MAP9: variants seen among roughly 807,000 people sequenced by gnomAD.
MAP9 encodes the protein microtubule-associated protein 9.
Under a neutral mutation model 75.2 loss-of-function variants are expected in MAP9, and 80 were observed. The ratio of observed to expected loss-of-function variants is 1.06; its 90% CI spans 0.89 to 1.28. MAP9 has a LOEUF of 1.28. Ranked by LOEUF, MAP9 falls within the 50% of genes most tolerant of loss-of-function variation. The pLI is 0.00. For synonymous variants in MAP9, 235 were observed against 237.3 expected (o/e 0.99, Z 0.09); for missense variants, 753 against 719.9 (o/e 1.05, Z -0.53).
At chr4:155,361,572 G>T (rs1345611985) in intron 6 of MAP9, among the ~76,000 whole-genome samples, 1 of 151,910 alleles carries the variant, frequency 6.6e-6, no homozygotes, top group Non-Finnish European at 1.5e-5. Context: ...ACCCTATAAG[G>T]CAAATTACTC....
chr4:155,375,634 C>A, intron 2 of MAP9, 142 bp downstream of exon 2: 1 of 474,998 alleles, frequency 2.1e-6, no homozygotes, highest in Non-Finnish European at 3.7e-6. Context: ...CTGGATGGAG[C>A]CCAAACATGA....
intron 5 of MAP9, among the ~76,000 whole-genome samples, chr4:155,363,653 A>AT (rs532079537): frequency 2.7e-4 from 41 of 152,264 alleles, no homozygotes; most frequent in African/African-American, 8.9e-4. Context: ...GAAAACACAC[A>AT]TACTTTGCAA....
chr4:155,351,214 T>A (rs1731495534), intron 13 of MAP9: 1 of 151,886 alleles, frequency 6.6e-6, no homozygotes, highest in Admixed American at 6.6e-5. Context: ...GAAGGTATCA[T>A]ATAACAGAAG....
chr4:155,376,511 C>A (rs1406724407), intron 1 of MAP9: 4 of 152,324 alleles, frequency 2.6e-5, no homozygotes, highest in African/African-American at 9.6e-5. Context: ...GAGCAGAGGC[C>A]TGGCAGGGCC....
intron 4 of MAP9, among the ~76,000 whole-genome samples, chr4:155,372,805 CA>C (rs775707311): frequency 4.6e-5 from 7 of 152,154 alleles, no homozygotes; most frequent in Non-Finnish European, 1.0e-4. Context: ...CACCTACAAA[CA>C]AAACTGAAGC....
chr4:155,371,914 A>AT (rs1732615726), intron 4 of MAP9, among the ~76,000 whole-genome samples: 1 of 152,194 alleles, frequency 6.6e-6, no homozygotes, highest in Non-Finnish European at 1.5e-5. Flanking sequence ...TAGAAGGTAC[A>AT]TTTTAACAAG....
At chr4:155,371,993 A>G (rs890490390) in intron 4 of MAP9, among the ~76,000 whole-genome samples, 1 of 152,180 alleles carries the variant, frequency 6.6e-6, no homozygotes, top group Non-Finnish European at 1.5e-5. Flanking sequence ...GCACTTCAAT[A>G]AACTCTCACA....
chr4:155,362,224 A>C, intron 5 of MAP9, 83 bp from the exon 6 acceptor site: 3 of 862,904 alleles, frequency 3.5e-6, no homozygotes, highest in Non-Finnish European at 5.4e-6. Flanking sequence ...TAAAACTACA[A>C]ATTGAAATAG....
intron 4 of MAP9, among the ~76,000 whole-genome samples, chr4:155,371,838 A>G (rs755805470): frequency 6.6e-6 from 1 of 151,964 alleles, no homozygotes; most frequent in African/African-American, 2.4e-5. Flanking sequence ...ATATGCTCGC[A>G]TTTTCTTAAT....
chr4:155,361,748 T>A (rs1455111333), intron 6 of MAP9, among the ~76,000 whole-genome samples: 2 of 152,054 alleles, frequency 1.3e-5, no homozygotes, highest in African/African-American at 4.8e-5. Context: ...AACAGTAGTT[T>A]ACCTTAAGTG....
chr4:155,371,050 A>G (rs1024536965), intron 4 of MAP9, among the ~76,000 whole-genome samples: 54 of 152,316 alleles, frequency 3.5e-4, no homozygotes, highest in African/African-American at 1.3e-3. Context: ...CCTGACTCCA[A>G]AGTTCATGAT....
In MAP9 at chr4:155,346,597, A is replaced by G. The variant is rs1047250584; in HGVS notation, c.*1186T>C. 2 of 152,274 alleles carry G rather than the reference A, an allele frequency of 1.3e-5. No individual in the cohort carries two copies. Among genetic ancestry groups the G allele is most frequent in the Non-Finnish European group, 2.9e-5 (2 of 68,024 alleles). 9.4% of individuals were successfully genotyped at this position (152,274 alleles called of 1,614,324 possible). A position where few individuals can be genotyped will look rare whatever the true frequency, so the allele number is the denominator to read the frequency against. On this transcript the variant is annotated 3_prime_UTR_variant, in exon 14 of 14. Coordinates refer to ENST00000311277, the MANE Select transcript of MAP9 (RefSeq NM_001039580.2). ...GGTTTATCTGAGCGCCAGTATTTTT[A>G]TATGTAAGATGAAGCCGGTAACACC...
chr4:155,375,111 G>A (rs946270316), intron 2 of MAP9, 90 bp from the exon 3 acceptor site: 11 of 915,128 alleles, frequency 1.2e-5, no homozygotes, highest in Admixed American at 2.4e-5. Context: ...CTTGATTAAC[G>A]ACTGCTTTCA....
chr4:155,374,438 AATT>A, intron 3 of MAP9, among the ~76,000 whole-genome samples: 1 of 152,206 alleles, frequency 6.6e-6, no homozygotes, highest in Non-Finnish European at 1.5e-5. Flanking sequence ...AGAGAAACCA[AATT>A]ATAATAGTAC....
At chr4:155,359,340 C>T (rs1731957913) in intron 7 of MAP9, among the ~76,000 whole-genome samples, 1 of 151,512 alleles carries the variant, frequency 6.6e-6, no homozygotes, top group African/African-American at 2.4e-5. Flanking sequence ...AAATCAGAAA[C>T]AGAAAGTCAA....
At chr4:155,356,032 G>A in intron 8 of MAP9, 148 bp from the exon 9 acceptor site, 2 of 695,044 alleles carry the variant, frequency 2.9e-6, no homozygotes, top group Non-Finnish European at 4.7e-6. Flanking sequence ...AGGCCAAAGT[G>A]GGTGGATGAC....
intron 5 of MAP9, among the ~76,000 whole-genome samples, chr4:155,364,132 G>A (rs1433617899): frequency 3.3e-5 from 5 of 152,010 alleles, no homozygotes; most frequent in African/African-American, 9.7e-5. Context: ...ATTATATAGA[G>A]AGGACAATGA....
At chr4:155,359,210 T>TATATAC (rs371399839) in intron 7 of MAP9, among the ~76,000 whole-genome samples, 1 of 145,478 alleles carries the variant, frequency 6.9e-6, no homozygotes, top group African/African-American at 2.5e-5. Flanking sequence ...AAAATGTGTA[T>TATATAC]ACACACACAC....
chr4:155,372,995 A>C lies in MAP9; in HGVS notation c.481+141T>G, dbSNP rs756717387. 487 of 560,926 alleles carry C rather than the reference A, an allele frequency of 8.7e-4. 2 individuals are homozygous for C. The highest frequency in any genetic ancestry group is 5.2e-4 in the Non-Finnish European group (177 of 338,362). The allele number at this position is 560,926 out of a possible 1,614,324, so 34.7% of individuals were successfully genotyped here. On this transcript the variant is annotated intron_variant, in intron 4 of 13. Transcript: ENST00000311277. Reference sequence around the variant, plus strand: ...AGGTCTGTAAAATTGAAGTTAGACAAAATACAACAGGTCTGTAAAATGGAA... The same window carrying C: ...AGGTCTGTAAAATTGAAGTTAGACACAATACAACAGGTCTGTAAAATGGAA...
Sources: allele counts gnomAD v4.1 joint callset (sites outside exome capture counted in the v4.1 genomes callset), GRCh38; gene constraint gnomAD v4.1.1; transcripts MANE v1.5; gene names NCBI Gene and HGNC (gene_info 2026-07-23, HGNC 2026-07-21).